Variants in NRIP1 observed in about 807,000 individuals in gnomAD.
NRIP1 encodes the protein nuclear receptor-interacting protein 1.
A neutral mutation model predicts 75.0 loss-of-function variants in NRIP1; 28 were observed. That is an observed-to-expected ratio of 0.37 (90% CI 0.28 to 0.51). The LOEUF (loss-of-function observed/expected upper bound fraction) is 0.51, where lower values mean the gene tolerates loss of function less well. Ranked by LOEUF, NRIP1 falls within the 20% of genes least tolerant of loss-of-function variation. NRIP1 has a pLI of 0.92. For synonymous variants in NRIP1, 526 were observed against 487.6 expected, an observed-to-expected ratio of 1.08 and a Z score of -1.04; for missense variants, 1,435 against 1,343.7, an observed-to-expected ratio of 1.07 and a Z score of -1.06.
At chr21:14,969,018 T>C (rs950623620) in intron 3 of NRIP1, among the ~76,000 whole-genome samples, 1 of 152,138 alleles carries the variant, frequency 6.6e-6, no homozygotes, top group Non-Finnish European at 1.5e-5. Flanking sequence ...ACAGAACAGA[T>C]TCATTTCTGA....
At chr21:15,053,590 C>T (rs1160513362) in intron 1 of NRIP1, among the ~76,000 whole-genome samples, 1 of 152,166 alleles carries the variant, frequency 6.6e-6, no homozygotes, top group Non-Finnish European at 1.5e-5. Context: ...AACATACCGA[C>T]TGACACTAAT....
At chr21:15,023,326 T>C in intron 2 of NRIP1, among the ~76,000 whole-genome samples, 1 of 152,236 alleles carries the variant, frequency 6.6e-6, no homozygotes, top group Admixed American at 6.5e-5. Flanking sequence ...ACTTGTGTGC[T>C]TTTGAAGTTA....
At chr21:15,039,839 T>A (rs937322718) in intron 2 of NRIP1, among the ~76,000 whole-genome samples, 1 of 152,116 alleles carries the variant, frequency 6.6e-6, no homozygotes, top group African/African-American at 2.4e-5. Flanking sequence ...TAAAGATATG[T>A]ATCTGTCATT....
chr21:14,979,886 T>TAAC (rs147074937), intron 3 of NRIP1, among the ~76,000 whole-genome samples: 28,550 of 152,018 alleles, frequency 0.19, 3,063 homozygotes, highest in East Asian at 0.45. Flanking sequence ...TTGCTTGTTA[T>TAAC]AACTGATCAT....
intron 3 of NRIP1, among the ~76,000 whole-genome samples, chr21:14,983,994 CACA>C (rs1361678274): frequency 2.0e-5 from 3 of 152,188 alleles, no homozygotes; most frequent in African/African-American, 7.2e-5. Flanking sequence ...TGCCTGCTAA[CACA>C]ACATCCATTC....
chr21:14,994,772 C>T (rs2087674088), intron 3 of NRIP1, among the ~76,000 whole-genome samples: 1 of 152,140 alleles, frequency 6.6e-6, no homozygotes, highest in African/African-American at 2.4e-5. Context: ...ATCTTAGGTT[C>T]AGGCAGTAAC....
At chr21:15,026,641 G>A (rs2088528189) in intron 2 of NRIP1, among the ~76,000 whole-genome samples, 1 of 152,050 alleles carries the variant, frequency 6.6e-6, no homozygotes, top group Non-Finnish European at 1.5e-5. Flanking sequence ...ATATATGTAT[G>A]TAAGTATATC....
At chr21:15,002,194 A>C (rs2087863979) in intron 3 of NRIP1, 2 of 152,210 alleles carry the variant, frequency 1.3e-5, no homozygotes, top group Admixed American at 6.5e-5. Flanking sequence ...CTCTCACAGC[A>C]GTGGTGCCAA....
intron 3 of NRIP1, among the ~76,000 whole-genome samples, chr21:15,000,423 T>C (rs2087824929): frequency 6.6e-6 from 1 of 152,052 alleles, no homozygotes. Context: ...GTAAACAAAA[T>C]ATAGTCCTTT....
In NRIP1 at chr21:14,966,621, A is replaced by G. The variant is rs761192763; in HGVS notation, c.1572T>C (p.Asn524=). 15 of 1,613,984 alleles carry G rather than the reference A, an allele frequency of 9.3e-6. No individual in the cohort carries two copies. Among genetic ancestry groups the G allele is most frequent in the Non-Finnish European group, 1.2e-5 (14 of 1,179,984 alleles). Residue 524 remains asparagine, a synonymous_variant, in exon 4 of 4, where the codon AAT becomes AAC. Transcript: ENST00000318948. The part of the protein sequence containing the change: ...EKNTSPQGVH[N]DVSKFNTQNY... ...TTTGTGTATTGAACTTGCTCACATCATTGTGTACTCCCTGAGGGCTGGTGT... is the reference window on the plus strand; with the variant it reads ...TTTGTGTATTGAACTTGCTCACATCGTTGTGTACTCCCTGAGGGCTGGTGT...
At position 14,967,839 on chromosome 21, in the gene NRIP1, G is replaced by T. The variant is rs936393178; in HGVS notation, c.354C>A (p.Gly118=). Residue 118 remains glycine (G), a synonymous_variant, in exon 4 of 4, where the codon GGC becomes GGA. Transcript: ENST00000318948. ...LNVKKEALLA[G]MVDSVPKGKQ... is the part of the protein sequence containing the mutation. ...TGCCTTTAGGCACACTGTCAACCAT[G>T]CCAGCTAGCAAAGCTTCCTTCTTTA... 1 of 1,613,878 alleles carries T rather than the reference G, an allele frequency of 6.2e-7. No individual in the cohort carries two copies. Among genetic ancestry groups the T allele is most frequent in the Non-Finnish European group, 8.5e-7 (1 of 1,180,022 alleles).
At position 14,968,246 on chromosome 21, in the gene NRIP1, T is replaced by C. The variant is rs1336093567; in HGVS notation, c.-54A>G. ...GTTTCTATTCACTTTAAAGAATGGT[T>C]TTCTGTGGTGAGTGCGATGTAACTT... is the stretch of plus-strand genomic sequence containing the variant. On this transcript the variant is annotated 5_prime_UTR_variant, in exon 4 of 4. Transcript: ENST00000318948. The C allele has an allele frequency of 1.6e-5, 20 of 1,283,618 alleles. No homozygotes were observed. Among genetic ancestry groups the C allele is most frequent in the Non-Finnish European group, 2.1e-5 (19 of 916,964 alleles). 79.5% of individuals were successfully genotyped at this position (1,283,618 alleles called of 1,614,324 possible).
At chr21:15,017,024 A>AGGAT (rs2088250825) in intron 2 of NRIP1, among the ~76,000 whole-genome samples, 1 of 152,102 alleles carries the variant, frequency 6.6e-6, no homozygotes, top group Non-Finnish European at 1.5e-5. Context: ...GAAGGAAGGA[A>AGGAT]GGAAGGAAAG....
chr21:15,065,136 C>G (rs1038829824), upstream of NRIP1: 4 of 152,560 alleles, frequency 2.6e-5, no homozygotes, highest in Non-Finnish European at 4.4e-5. Flanking sequence ...TTTCTTAACC[C>G]TTTTCTCCCC....
In NRIP1 at chr21:14,966,790, A is replaced by C. The variant is rs779257901; in HGVS notation, c.1403T>G (p.Leu468Arg). Residue 468 changes from leucine to arginine, a missense_variant, in exon 4 of 4, where the codon CTA becomes CGA. Leu to Arg is a moderately radical substitution (Grantham distance 102, BLOSUM62 -2). Coordinates refer to ENST00000318948, the MANE Select transcript of NRIP1 (RefSeq NM_003489.4). ...VSLDNFTQSL[L>R]NTWDPKVPDV... Reference sequence around the variant, plus strand: ...TGGGACTTTTGGATCCCAAGTGTTTAGCAAGGATTGAGTGAAGTTATCCAG... The same window carrying C: ...TGGGACTTTTGGATCCCAAGTGTTTCGCAAGGATTGAGTGAAGTTATCCAG... 1.2e-6 allele frequency: 2 copies of C among 1,614,126 alleles called. No homozygotes were observed. The highest frequency in any genetic ancestry group is 2.2e-5 in the South Asian group (2 of 91,080).
At position 14,964,266 on chromosome 21, in the gene NRIP1, G is replaced by C. The variant is rs1385010358; in HGVS notation, c.*450C>G. The C allele has an allele frequency of 6.7e-6, 1 of 149,786 alleles. No individual in the cohort carries two copies. The highest frequency in any genetic ancestry group is 1.5e-5 in the Non-Finnish European group (1 of 67,150). 9.3% of individuals were successfully genotyped at this position (149,786 alleles called of 1,614,324 possible). On this transcript the variant is annotated 3_prime_UTR_variant, in exon 4 of 4. Transcript: ENST00000318948. ...GATAATAAGCTGTGAATCAGCACTA[G>C]GTTTTTTTTTATTGGATAATTATCC...
chr21:15,062,530 C>T (rs1896661341), intron 1 of NRIP1, among the ~76,000 whole-genome samples: 1 of 152,224 alleles, frequency 6.6e-6, no homozygotes, highest in African/African-American at 2.4e-5. Flanking sequence ...TCTGAATTAA[C>T]ATCTTTTGGA....
intron 2 of NRIP1, among the ~76,000 whole-genome samples, chr21:15,017,183 G>A (rs2088254172): frequency 6.6e-6 from 1 of 151,868 alleles, no homozygotes; most frequent in African/African-American, 2.4e-5. Flanking sequence ...TCCTGAGAAG[G>A]GTAAAAGGAA....
intron 3 of NRIP1, among the ~76,000 whole-genome samples, chr21:14,984,965 A>C (rs1254859219): frequency 2.0e-5 from 3 of 151,842 alleles, no homozygotes; most frequent in Non-Finnish European, 2.9e-5. Context: ...ACTACAGTAT[A>C]GTGTAAACGT....
Sources: gnomAD v4.1 joint callset for allele counts (sites outside exome capture counted in the v4.1 genomes callset) on GRCh38, gnomAD v4.1.1 for gene constraint, MANE v1.5 for transcripts, NCBI Gene and HGNC (gene_info 2026-07-23, HGNC 2026-07-21) for gene names.